UNC79: variants seen among roughly 807,000 people sequenced by gnomAD.
The protein encoded by UNC79 is protein unc-79 homolog.
In UNC79, 37 loss-of-function variants were observed where a neutral mutation model predicts 283.1. The observed-to-expected ratio is 0.13, with a 90% confidence interval of 0.10 to 0.17. UNC79 has a LOEUF of 0.17. Ranked by LOEUF, UNC79 falls within the 10% of genes least tolerant of loss-of-function variation. The pLI is 1.00. For missense variants in UNC79, 2,272 were observed against 3,211.1 expected, an observed-to-expected ratio of 0.71 and a Z score of 7.07; for synonymous variants, 1,107 against 1,200.2, an observed-to-expected ratio of 0.92 and a Z score of 1.61.
intron 7 of UNC79, among the ~76,000 whole-genome samples, chr14:93,499,990 G>GGAGGAGAGTAGCCAGAGGT (rs1235222431): frequency 6.6e-6 from 1 of 152,122 alleles, no homozygotes; most frequent in Admixed American, 6.5e-5. Context: ...TGGAGTGAGA[G>GGAGGAGAGTAGCCAGAGGT]GAGGAGAGTA....
At chr14:93,385,342 T>G (rs2054748488) in intron 1 of UNC79, among the ~76,000 whole-genome samples, 1 of 152,194 alleles carries the variant, frequency 6.6e-6, no homozygotes, top group Non-Finnish European at 1.5e-5. Context: ...TCTTTAATTT[T>G]GTACATCACT....
At chr14:93,407,930 T>G (rs2055259741) in intron 1 of UNC79, among the ~76,000 whole-genome samples, 1 of 152,166 alleles carries the variant, frequency 6.6e-6, no homozygotes, top group Non-Finnish European at 1.5e-5. Flanking sequence ...TTGAAGGCTC[T>G]GACACCTACA....
At chr14:93,603,415 A>G in exon 26 of UNC79, 1 of 1,613,570 alleles carries the variant, frequency 6.2e-7, no homozygotes, top group Non-Finnish European at 8.5e-7. Context: ...GACCTCCAAA[A>G]TTCGTTGAGT....
chr14:93,517,848 C>G (rs906242385), intron 7 of UNC79, among the ~76,000 whole-genome samples: 6 of 151,644 alleles, frequency 4.0e-5, no homozygotes, highest in Non-Finnish European at 1.5e-5. Flanking sequence ...ATTCTGCCCC[C>G]CTGTTATATT....
At chr14:93,634,707 G>T (rs545621688) in intron 31 of UNC79, 70 bp downstream of exon 34, 64 of 1,341,014 alleles carry the variant, frequency 4.8e-5, no homozygotes, top group Middle Eastern at 3.7e-4. Flanking sequence ...TGTCCACTCT[G>T]CTCCCTTGTT....
chr14:93,629,873 A>G (rs2067882240), intron 30 of UNC79, among the ~76,000 whole-genome samples: 1 of 152,092 alleles, frequency 6.6e-6, no homozygotes, highest in Non-Finnish European at 1.5e-5. Flanking sequence ...CATGGTGGTA[A>G]CTCCAAGCCA....
At chr14:93,498,396 G>C (rs2059122793) in intron 7 of UNC79, among the ~76,000 whole-genome samples, 2 of 152,072 alleles carry the variant, frequency 1.3e-5, no homozygotes, top group South Asian at 4.1e-4. Flanking sequence ...AGACCATCCT[G>C]GCCAACATGG....
At chr14:93,560,204 A>G (rs2062458263) in intron 14 of UNC79, among the ~76,000 whole-genome samples, 2 of 152,226 alleles carry the variant, frequency 1.3e-5, no homozygotes, top group South Asian at 4.1e-4. Context: ...AGGACATCCA[A>G]TTAGAGAGTG....
At chr14:93,504,714 G>T (rs1477568233) in intron 7 of UNC79, among the ~76,000 whole-genome samples, 1 of 151,984 alleles carries the variant, frequency 6.6e-6, no homozygotes, top group Non-Finnish European at 1.5e-5. Flanking sequence ...CAGCAACTTT[G>T]CTAAGTCACT....
At chr14:93,480,431 A>T (rs1429508501) in intron 4 of UNC79, among the ~76,000 whole-genome samples, 2 of 152,194 alleles carry the variant, frequency 1.3e-5, no homozygotes, top group African/African-American at 4.8e-5. Flanking sequence ...TTGTCCTCTA[A>T]CCTAGTTGTT....
chr14:93,526,719 G>A (rs2060566036), intron 8 of UNC79, among the ~76,000 whole-genome samples: 1 of 152,168 alleles, frequency 6.6e-6, no homozygotes, highest in East Asian at 1.9e-4. Flanking sequence ...GTCATGCTAA[G>A]TAAGTTATTT....
chr14:93,383,566 T>C (rs1278325809), intron 1 of UNC79, among the ~76,000 whole-genome samples: 4 of 152,194 alleles, frequency 2.6e-5, no homozygotes, highest in Admixed American at 2.6e-4. Flanking sequence ...AATACTTTAT[T>C]GCTAAATAAT....
chr14:93,424,800 A>G (rs2055687665), intron 1 of UNC79, among the ~76,000 whole-genome samples: 1 of 152,188 alleles, frequency 6.6e-6, no homozygotes, highest in African/African-American at 2.4e-5. Flanking sequence ...AGTATTTGCT[A>G]GCTCAGTAGA....
chr14:93,642,151 G>A (rs571708709), intron 33 of UNC79, among the ~76,000 whole-genome samples: 14 of 152,206 alleles, frequency 9.2e-5, no homozygotes, highest in Admixed American at 2.6e-4. Context: ...GGGGCCAGGC[G>A]CGGTGGCTCA....
At chr14:93,591,708 C>T (rs2064693862) in intron 22 of UNC79, among the ~76,000 whole-genome samples, 1 of 152,240 alleles carries the variant, frequency 6.6e-6, no homozygotes, top group Non-Finnish European at 1.5e-5. Flanking sequence ...CTTTTGTCTG[C>T]TTTCTGGGAG....
At chr14:93,506,735 T>C (rs1276252361) in intron 7 of UNC79, among the ~76,000 whole-genome samples, 1 of 152,192 alleles carries the variant, frequency 6.6e-6, no homozygotes, top group East Asian at 1.9e-4. Flanking sequence ...TTATCTCTCT[T>C]TTGTTAGTGA....
At chr14:93,357,862 TATGG>T (rs1255776372) in intron 1 of UNC79, among the ~76,000 whole-genome samples, 17 of 46,476 alleles carry the variant, frequency 3.7e-4, no homozygotes, top group South Asian at 1.1e-3. Context: ...TGGATATATA[TATGG>T]ATATATGGAT....
intron 4 of UNC79, among the ~76,000 whole-genome samples, chr14:93,478,419 T>A (rs1595572667): frequency 1.3e-5 from 2 of 152,178 alleles, no homozygotes; most frequent in Admixed American, 1.3e-4. Flanking sequence ...GTTTTTATGA[T>A]CAAAATCATT....
At chr14:93,585,407 C>G (rs2064149650) in intron 20 of UNC79, among the ~76,000 whole-genome samples, 1 of 152,142 alleles carries the variant, frequency 6.6e-6, no homozygotes, top group Non-Finnish European at 1.5e-5. Flanking sequence ...TCCCTTTTTC[C>G]CATCTTGAGG....
Sources: allele counts gnomAD v4.1 joint callset (sites outside exome capture counted in the v4.1 genomes callset), GRCh38; gene constraint gnomAD v4.1.1; transcripts MANE v1.5; gene names NCBI Gene and HGNC (gene_info 2026-07-23, HGNC 2026-07-21).